ARHGAP32: variants seen among roughly 807,000 people sequenced by gnomAD.
ARHGAP32 encodes rho GTPase-activating protein 32.
Under a neutral mutation model 186.5 loss-of-function variants are expected in ARHGAP32, and 51 were observed. The ratio of observed to expected loss-of-function variants is 0.27; its 90% CI spans 0.22 to 0.35. The LOEUF (loss-of-function observed/expected upper bound fraction) is 0.35, where lower values mean the gene tolerates loss of function less well. Ranked by LOEUF, ARHGAP32 falls within the 10% of genes least tolerant of loss-of-function variation. The pLI is 1.00. For synonymous variants in ARHGAP32, 950 were observed against 964.3 expected (o/e 0.99, Z 0.27); for missense variants, 2,186 against 2,623.5 (o/e 0.83, Z 3.64).
rs1218302116 is a variant in ARHGAP32, at chr11:128,988,069, C to G, written c.1252G>C (p.Gly418Arg). The G allele has an allele frequency of 6.2e-7, 1 of 1,613,398 alleles. No individual in the cohort carries two copies. Residue 418 changes from glycine (G) to arginine (R), a missense_variant, in exon 13 of 23, where the codon GGA (glycine) becomes CGA (arginine). Coordinates refer to ENST00000682385, the MANE Select transcript of ARHGAP32 (RefSeq NM_001378024.1). ...AFIERYGIVDGIYRLSGVASN... is the reference protein window; with the variant it reads ...AFIERYGIVDRIYRLSGVASN... ...GCAACACCAGAAAGGCGATAGATTC[C>G]ATCCACGATGCCATATCTCTCAATG... is the stretch of plus-strand genomic sequence containing the variant.
chr11:129,238,841 ATAAT>A (rs1177035196), intron 1 of ARHGAP32, among the ~76,000 whole-genome samples: 1 of 144,242 alleles, frequency 6.9e-6, no homozygotes, highest in Non-Finnish European at 1.6e-5. Flanking sequence ...TTTCACAATA[ATAAT>A]TTTTTTTGAA....
intron 10 of ARHGAP32, among the ~76,000 whole-genome samples, chr11:129,045,677 T>A (rs1332811034): frequency 6.6e-6 from 1 of 152,208 alleles, no homozygotes; most frequent in Non-Finnish European, 1.5e-5. Context: ...GAAAATATGA[T>A]CTATTAGCTA....
chr11:129,033,071 C>T (rs1259620561), intron 11 of ARHGAP32, among the ~76,000 whole-genome samples: 1 of 152,194 alleles, frequency 6.6e-6, no homozygotes, highest in African/African-American at 2.4e-5. Context: ...ACATTCAATA[C>T]TATTTTTTGT....
chr11:128,982,893 A>T (rs1456189149), intron 15 of ARHGAP32, among the ~76,000 whole-genome samples: 1 of 56,388 alleles, frequency 1.8e-5, no homozygotes, highest in East Asian at 4.5e-4. Context: ...CTTGTCTTTA[A>T]AAAAAAAAAA....
intron 2 of ARHGAP32, among the ~76,000 whole-genome samples, chr11:129,157,879 C>G (rs912469657): frequency 6.6e-6 from 1 of 152,188 alleles, no homozygotes. Context: ...GACAGCAGAG[C>G]TCTGCAGAAA....
chr11:129,110,373 T>C (rs1402944603), intron 5 of ARHGAP32, among the ~76,000 whole-genome samples: 1 of 152,208 alleles, frequency 6.6e-6, no homozygotes, highest in Non-Finnish European at 1.5e-5. Context: ...ACAGGTAGTG[T>C]GATGTCTCCA....
chr11:129,180,896 C>T (rs933599115), intron 1 of ARHGAP32, among the ~76,000 whole-genome samples: 1 of 152,074 alleles, frequency 6.6e-6, no homozygotes, highest in African/African-American at 2.4e-5. Context: ...GTTTCCCTCA[C>T]TAAGAAATTA....
At position 129,192,133 on chromosome 11, in the gene ARHGAP32, A is replaced by G. The variant is rs1234077331; in HGVS notation, c.66T>C (p.Val22=). ...DDSVFWLESE[V]IIQVTDCEEE... ...CTTCACAGTCAGTCACCTGGATTATAACTTCAGACTCCAACCAGAAGACAC... is the reference window on the plus strand; with the variant it reads ...CTTCACAGTCAGTCACCTGGATTATGACTTCAGACTCCAACCAGAAGACAC... Residue 22 remains valine, a synonymous_variant, in exon 1 of 23, where the codon GTT becomes GTC. Coordinates refer to ENST00000682385, the MANE Select transcript of ARHGAP32 (RefSeq NM_001378024.1). 1 of 1,613,734 alleles carries G rather than the reference A, an allele frequency of 6.2e-7. No individual in the cohort carries two copies. Among genetic ancestry groups the G allele is most frequent in the Non-Finnish European group, 8.5e-7 (1 of 1,179,830 alleles).
chr11:129,205,983 C>T (rs1236400080), intron 1 of ARHGAP32, among the ~76,000 whole-genome samples: 3 of 151,972 alleles, frequency 2.0e-5, no homozygotes, highest in Admixed American at 1.3e-4. Flanking sequence ...TCAGCTTTAA[C>T]AATTAACAAG....
chr11:128,966,416 C>T lies in ARHGAP32; in HGVS notation c.*2491G>A, dbSNP rs867842489. ...CACAACATTAGAAAGGGAAAGATGCCGGAAAAGTGTTTCAAATAACTGAAT... is the reference window on the plus strand; with the variant it reads ...CACAACATTAGAAAGGGAAAGATGCTGGAAAAGTGTTTCAAATAACTGAAT... On this transcript the variant is annotated 3_prime_UTR_variant, in exon 23 of 23. Transcript: ENST00000682385. 1.3e-5 allele frequency: 2 copies of T among 152,130 alleles called. No homozygotes were observed. Among genetic ancestry groups the T allele is most frequent in the Non-Finnish European group, 2.9e-5 (2 of 68,034 alleles). 9.4% of individuals were successfully genotyped at this position (152,130 alleles called of 1,614,324 possible).
At chr11:128,975,631 T>C (rs1945521784) in intron 20 of ARHGAP32, among the ~76,000 whole-genome samples, 1 of 152,150 alleles carries the variant, frequency 6.6e-6, no homozygotes. Flanking sequence ...GCAGAGAGTA[T>C]TACATAATTT....
chr11:129,051,957 A>C (rs1940067794), intron 10 of ARHGAP32, among the ~76,000 whole-genome samples: 1 of 43,448 alleles, frequency 2.3e-5, no homozygotes, highest in Non-Finnish European at 6.5e-5. Context: ...CTGTCTCAAA[A>C]AAAAAAAAAA....
At chr11:129,017,586 T>C (rs537728318) in intron 11 of ARHGAP32, among the ~76,000 whole-genome samples, 44 of 152,270 alleles carry the variant, frequency 2.9e-4, no homozygotes, top group African/African-American at 1.0e-3. Flanking sequence ...CTATTGTTAT[T>C]TTTGTATTAT....
intron 1 of ARHGAP32, among the ~76,000 whole-genome samples, chr11:129,198,670 T>C (rs1438996064): frequency 2.0e-5 from 3 of 152,192 alleles, no homozygotes; most frequent in Non-Finnish European, 4.4e-5. Context: ...TAAACCTCTT[T>C]CCTTTATAGA....
intron 11 of ARHGAP32, among the ~76,000 whole-genome samples, chr11:129,016,004 T>C (rs1226287308): frequency 6.6e-6 from 1 of 152,232 alleles, no homozygotes; most frequent in Non-Finnish European, 1.5e-5. Flanking sequence ...AAATGATTTA[T>C]CAATATACAC....
At chr11:129,164,986 A>C (rs1356557615) in intron 1 of ARHGAP32, among the ~76,000 whole-genome samples, 1 of 152,206 alleles carries the variant, frequency 6.6e-6, no homozygotes, top group Non-Finnish European at 1.5e-5. Context: ...AGGAAAGCCC[A>C]ATCAAGCAAT....
intron 6 of ARHGAP32, among the ~76,000 whole-genome samples, chr11:129,086,543 C>CA (rs1555087762): frequency 3.3e-5 from 5 of 152,166 alleles, no homozygotes; most frequent in South Asian, 2.1e-4. Context: ...CACTGATGGC[C>CA]GGGCATGGTG....
At chr11:129,161,277 T>C (rs1943524412) in intron 2 of ARHGAP32, among the ~76,000 whole-genome samples, 1 of 150,514 alleles carries the variant, frequency 6.6e-6, no homozygotes. Context: ...CCAAAAGCAA[T>C]AGCAAAAAAA....
chr11:129,199,390 G>T (rs2135572853), intron 1 of ARHGAP32, among the ~76,000 whole-genome samples: 1 of 152,366 alleles, frequency 6.6e-6, no homozygotes, highest in Admixed American at 6.5e-5. Flanking sequence ...GAAGAAAAAT[G>T]GTTTCATGGG....
Sources: allele counts gnomAD v4.1 joint callset (sites outside exome capture counted in the v4.1 genomes callset), GRCh38; gene constraint gnomAD v4.1.1; transcripts MANE v1.5; gene names NCBI Gene and HGNC (gene_info 2026-07-23, HGNC 2026-07-21).